TMEFF2: variants seen among roughly 807,000 people sequenced by gnomAD.
TMEFF2 encodes transmembrane protein with EGF like and two follistatin like domains 2.
A neutral mutation model predicts 53.8 loss-of-function variants in TMEFF2; 28 were observed. The ratio of observed to expected loss-of-function variants is 0.52; its 90% CI spans 0.39 to 0.71. The LOEUF (loss-of-function observed/expected upper bound fraction) is 0.71, where lower values mean the gene tolerates loss of function less well. Among genes scored for constraint, TMEFF2 ranks in the 30% least tolerant of loss-of-function variants. The pLI is 0.00. For missense variants in TMEFF2, 353 were observed against 455.2 expected (o/e 0.78, Z 2.04); for synonymous variants, 162 against 166.3 (o/e 0.97, Z 0.20).
Position 192,194,811 on chromosome 2 carries a change from G to A in TMEFF2, c.-287C>T. On this transcript the variant is annotated 5_prime_UTR_variant, in exon 1 of 10. Transcript: ENST00000272771. This position sits in a 1 kb window ranked among gnomAD's most constrained non-coding sequence, Gnocchi z 4.2. The stretch of plus-strand genomic sequence containing the variant: ...AAGGAGGGAGCTCTGGGAAGCCGGA[G>A]GACAGGAGGAGACGGGAGTCCAGGG... 4.4e-6 allele frequency: 2 copies of A among 454,428 alleles called. No homozygotes were observed. Among genetic ancestry groups the A allele is most frequent in the Non-Finnish European group, 8.1e-6 (2 of 247,820 alleles). 28.1% of individuals were successfully genotyped at this position (454,428 alleles called of 1,614,324 possible).
chr2:192,023,676 GT>G (rs1686908020), intron 5 of TMEFF2, among the ~76,000 whole-genome samples: 1 of 88,042 alleles, frequency 1.1e-5, no homozygotes. Context: ...TCATATCTCT[GT>G]CTGTCTGTTT....
intron 5 of TMEFF2, among the ~76,000 whole-genome samples, chr2:192,000,852 A>G (rs1240401472): frequency 6.6e-6 from 1 of 152,214 alleles, no homozygotes; most frequent in African/African-American, 2.4e-5. Flanking sequence ...GCTACAACAG[A>G]TGGCAACCAT....
intron 5 of TMEFF2, among the ~76,000 whole-genome samples, chr2:192,049,335 G>A (rs1216297929): frequency 6.6e-6 from 1 of 152,178 alleles, no homozygotes; most frequent in African/African-American, 2.4e-5. Context: ...TCAGTTTTCT[G>A]TTTTGTAACA....
At chr2:192,066,794 A>C (rs961182535) in intron 4 of TMEFF2, among the ~76,000 whole-genome samples, 1 of 151,872 alleles carries the variant, frequency 6.6e-6, no homozygotes, top group Admixed American at 6.6e-5. Context: ...AGCAAAATTC[A>C]TTTAGAGCAG....
intron 8 of TMEFF2, among the ~76,000 whole-genome samples, chr2:191,954,419 G>C (rs1292291727): frequency 1.3e-5 from 2 of 152,020 alleles, no homozygotes; most frequent in Admixed American, 6.5e-5. Context: ...TGACAATATA[G>C]AGAGATAATA....
chr2:191,986,556 C>CTTT (rs11451195), intron 7 of TMEFF2, among the ~76,000 whole-genome samples: 31 of 142,894 alleles, frequency 2.2e-4, no homozygotes, highest in African/African-American at 5.7e-4. Flanking sequence ...GGACAACTAT[C>CTTT]TTTTTTTTTT....
At chr2:192,096,670 C>CTCTTTT (rs61068218) in intron 4 of TMEFF2, among the ~76,000 whole-genome samples, 2 of 53,688 alleles carry the variant, frequency 3.7e-5, no homozygotes, top group African/African-American at 1.3e-4. Flanking sequence ...CTCTCTCTCT[C>CTCTTTT]TTTTTTTTTT....
intron 4 of TMEFF2, among the ~76,000 whole-genome samples, chr2:192,147,561 A>G (rs982215386): frequency 4.6e-5 from 7 of 151,326 alleles, no homozygotes; most frequent in Non-Finnish European, 8.8e-5. Context: ...ATTCCCACCT[A>G]TGAGTGAGAA....
chr2:192,048,735 C>G (rs907546740), intron 5 of TMEFF2, among the ~76,000 whole-genome samples: 2 of 152,134 alleles, frequency 1.3e-5, no homozygotes, highest in African/African-American at 4.8e-5. Flanking sequence ...TCTATTCTTA[C>G]AGCAGAAATA....
At chr2:192,116,462 CAG>C (rs1424527183) in intron 4 of TMEFF2, among the ~76,000 whole-genome samples, 2 of 151,742 alleles carry the variant, frequency 1.3e-5, no homozygotes, top group Non-Finnish European at 2.9e-5. Context: ...CTTGCTAAGA[CAG>C]AGTAAATCAC....
intron 7 of TMEFF2, among the ~76,000 whole-genome samples, chr2:191,969,402 A>T (rs1407864688): frequency 6.6e-6 from 1 of 152,118 alleles, no homozygotes; most frequent in East Asian, 1.9e-4. Flanking sequence ...TGACAAGGTA[A>T]GGTGCAATAT....
chr2:192,153,359 C>A (rs1239877441), intron 4 of TMEFF2, among the ~76,000 whole-genome samples: 1 of 151,764 alleles, frequency 6.6e-6, no homozygotes, highest in Non-Finnish European at 1.5e-5. Context: ...CATCTAACTT[C>A]CCACTGTGCT....
Position 192,041,588 on chromosome 2 carries a change from A to G in TMEFF2, c.536+16091T>C, listed in dbSNP as rs1574317715. Among the ~76,000 whole-genome samples the G allele has an allele frequency of 2.0e-5, 3 of 152,212 alleles. No homozygotes were observed. The East Asian group carries it at 5.8e-4, about 29-fold the overall frequency. ...AAAAAGTTAACCATAAAGTTACCAT[A>G]TGACCTAGCAATTCCACTCCTATGT... On this transcript the variant is annotated intron_variant, in intron 5 of 9. Transcript: ENST00000272771.
chr2:192,131,813 G>T (rs528544737), intron 4 of TMEFF2, among the ~76,000 whole-genome samples: 2 of 152,182 alleles, frequency 1.3e-5, no homozygotes, highest in African/African-American at 2.4e-5. Context: ...GTGCAATGCC[G>T]CTTGACCCCA....
chr2:192,040,790 G>A (rs1400826753), intron 5 of TMEFF2, among the ~76,000 whole-genome samples: 5 of 152,106 alleles, frequency 3.3e-5, no homozygotes, highest in East Asian at 3.8e-4. Context: ...ATAGATCACC[G>A]GAATAGAATG....
chr2:191,970,503 A>C (rs1692605077), intron 7 of TMEFF2, among the ~76,000 whole-genome samples: 1 of 152,080 alleles, frequency 6.6e-6, no homozygotes, highest in African/African-American at 2.4e-5. Flanking sequence ...GAGATGTGCC[A>C]CTAAAACCAA....
At chr2:191,960,113 T>G (rs975068332) in intron 7 of TMEFF2, among the ~76,000 whole-genome samples, 2 of 152,098 alleles carry the variant, frequency 1.3e-5, no homozygotes, top group Non-Finnish European at 2.9e-5. Context: ...CCTCAAGTGA[T>G]CCACCTGCCT....
At chr2:192,005,653 T>C (rs1686482763) in intron 5 of TMEFF2, among the ~76,000 whole-genome samples, 1 of 152,174 alleles carries the variant, frequency 6.6e-6, no homozygotes, top group Admixed American at 6.5e-5. Context: ...TTTTTTTGTT[T>C]CTCTTGAGGG....
At chr2:192,032,630 T>G (rs1698863374) in intron 5 of TMEFF2, 1 of 152,138 alleles carries the variant, frequency 6.6e-6, no homozygotes, top group Non-Finnish European at 1.5e-5. Flanking sequence ...ATCCAGCCCA[T>G]TTAACACGGT....
Sources: allele counts gnomAD v4.1 joint callset (sites outside exome capture counted in the v4.1 genomes callset), GRCh38; gene constraint gnomAD v4.1.1; non-coding constraint Gnocchi (gnomAD v3.1); transcripts MANE v1.5; gene names NCBI Gene and HGNC (gene_info 2026-07-23, HGNC 2026-07-21).